The following DOCK5 variants were observed in gnomAD, a reference collection of about 807,000 sequenced individuals.
DOCK5 encodes the protein dedicator of cytokinesis protein 5.
Under a neutral mutation model 251.8 loss-of-function variants are expected in DOCK5, and 142 were observed. The ratio of observed to expected loss-of-function variants is 0.56; its 90% CI spans 0.49 to 0.65. The LOEUF is 0.65. Ranked by LOEUF, DOCK5 falls within the 30% of genes least tolerant of loss-of-function variation. The probability of loss-of-function intolerance (pLI) is 0.00; values close to 1 mark genes in which losing one functional copy is unlikely to be tolerated. For synonymous variants in DOCK5, 842 were observed against 835.5 expected, an observed-to-expected ratio of 1.01 and a Z score of -0.13; for missense variants, 2,111 against 2,312.3, an observed-to-expected ratio of 0.91 and a Z score of 1.79.
chr8:25,198,924 GA>G (rs1346729872), intron 1 of DOCK5, among the ~76,000 whole-genome samples: 1 of 152,164 alleles, frequency 6.6e-6, no homozygotes, highest in East Asian at 1.9e-4. Context: ...TTTCCAGGTG[GA>G]GGTTTTGTTA....
intron 5 of DOCK5, among the ~76,000 whole-genome samples, chr8:25,285,515 A>G (rs963385772): frequency 6.6e-6 from 1 of 152,210 alleles, no homozygotes; most frequent in African/African-American, 2.4e-5. Context: ...AAAATTTGCC[A>G]GCAATAAAGA....
At chr8:25,249,484 C>T (rs1372581730) in intron 2 of DOCK5, among the ~76,000 whole-genome samples, 2 of 152,194 alleles carry the variant, frequency 1.3e-5, no homozygotes, top group Non-Finnish European at 2.9e-5. Context: ...CTGTACCCAT[C>T]GGTAGTCATG....
intron 40 of DOCK5, among the ~76,000 whole-genome samples, chr8:25,387,916 G>A (rs931875): frequency 0.21 from 32,577 of 152,126 alleles, 4,272 homozygotes; most frequent in East Asian, 0.55. Flanking sequence ...GTTATCGTCT[G>A]CATCATACAA....
At chr8:25,263,597 C>G (rs576709578) in intron 2 of DOCK5, among the ~76,000 whole-genome samples, 2 of 151,894 alleles carry the variant, frequency 1.3e-5, no homozygotes, top group East Asian at 3.9e-4. Context: ...AGCATGCTGT[C>G]TCCCATGGGA....
chr8:25,219,695 C>G (rs1802332158), intron 1 of DOCK5, among the ~76,000 whole-genome samples: 1 of 149,164 alleles, frequency 6.7e-6, no homozygotes, highest in South Asian at 2.1e-4. Context: ...CTGTTGTCCT[C>G]TGGGGTCCGT....
In DOCK5 at chr8:25,197,750, A is replaced by ATTTTTTTT. The variant is rs71214555; in HGVS notation, c.43+12810_43+12817dup. Among the ~76,000 whole-genome samples the ATTTTTTTT allele has an allele frequency of 1.9e-3, 186 of 95,712 alleles. 11 individuals carry two copies. The highest frequency in any genetic ancestry group is 2.7e-3 in the Non-Finnish European group (128 of 48,012). The allele number at this position is 95,712 out of a possible 152,430, so 62.8% of individuals were successfully genotyped here. Reference sequence around the variant, plus strand: ...AGGTACATGCAACCATGCCAAGCTAATTTTTTTTTTTTTTTTTTGAGACGG... The same window carrying ATTTTTTTT: ...AGGTACATGCAACCATGCCAAGCTAATTTTTTTTTTTTTTTTTTTTTTTTTTGAGACGG... On this transcript the variant is annotated intron_variant, in intron 1 of 51. Coordinates refer to ENST00000276440, the MANE Select transcript of DOCK5 (RefSeq NM_024940.8).
chr8:25,403,524 G>T (rs1435274363), intron 47 of DOCK5, 34 bp from the exon 48 acceptor site: 2 of 1,608,202 alleles, frequency 1.2e-6, no homozygotes, highest in East Asian at 4.5e-5. Flanking sequence ...CTGGATTCCA[G>T]GTCCGCTAAC....
intron 20 of DOCK5, among the ~76,000 whole-genome samples, chr8:25,333,363 C>A (rs543184990): frequency 7.9e-5 from 12 of 152,160 alleles, no homozygotes; most frequent in South Asian, 6.2e-4. Flanking sequence ...AGAAACTAGT[C>A]AGTTTAGGAA....
intron 35 of DOCK5, among the ~76,000 whole-genome samples, 184 bp from the exon 36 acceptor site, chr8:25,373,434 C>T (rs182506051): frequency 2.0e-5 from 3 of 152,296 alleles, no homozygotes; most frequent in Admixed American, 1.3e-4. Context: ...CATTATATCA[C>T]TCTTGTGCTT....
intron 1 of DOCK5, among the ~76,000 whole-genome samples, chr8:25,212,448 G>A (rs1190237020): frequency 2.8e-5 from 2 of 70,730 alleles, no homozygotes; most frequent in Admixed American, 1.6e-4. Context: ...AGGGCCACGG[G>A]CAAGTTTCAT....
chr8:25,236,724 G>T (rs1802807047), intron 1 of DOCK5, among the ~76,000 whole-genome samples: 1 of 151,478 alleles, frequency 6.6e-6, no homozygotes, highest in South Asian at 2.1e-4. Context: ...GGGATTACAG[G>T]CATGAGCCAC....
At chr8:25,337,404 AAAG>A (rs1805841342) in intron 22 of DOCK5, among the ~76,000 whole-genome samples, 1 of 152,140 alleles carries the variant, frequency 6.6e-6, no homozygotes, top group South Asian at 2.1e-4. Context: ...TAAAAACAAA[AAAG>A]AAGATTTTTA....
chr8:25,227,658 AT>A (rs1217214217), intron 1 of DOCK5, among the ~76,000 whole-genome samples: 1 of 152,162 alleles, frequency 6.6e-6, no homozygotes, highest in Non-Finnish European at 1.5e-5. Flanking sequence ...TTGTTCAGTT[AT>A]TTAAAAAAGT....
intron 27 of DOCK5, among the ~76,000 whole-genome samples, chr8:25,356,611 G>A (rs1408986109): frequency 1.3e-5 from 2 of 152,078 alleles, no homozygotes; most frequent in Non-Finnish European, 2.9e-5. Context: ...CGAGGCTACA[G>A]TCAGCCATGA....
chr8:25,243,588 C>T (rs572228434), intron 1 of DOCK5, 86 bp from the exon 2 acceptor site: 12 of 1,310,646 alleles, frequency 9.2e-6, no homozygotes, highest in African/African-American at 4.4e-5. Context: ...CTCACCCTCT[C>T]AAAGTGCTGA....
chr8:25,303,061 A>G (rs941844948), intron 10 of DOCK5, among the ~76,000 whole-genome samples: 3 of 152,234 alleles, frequency 2.0e-5, no homozygotes, highest in African/African-American at 7.2e-5. Flanking sequence ...AAGATGGTAC[A>G]TTTTATGTTA....
chr8:25,277,634 C>T (rs1419344009), intron 4 of DOCK5, among the ~76,000 whole-genome samples: 3 of 152,158 alleles, frequency 2.0e-5, no homozygotes, highest in South Asian at 2.1e-4. Flanking sequence ...GTCCTCTTTC[C>T]GGTGGGCCGT....
At chr8:25,331,230 GACAC>G (rs60869427) in intron 18 of DOCK5, among the ~76,000 whole-genome samples, 11,735 of 140,184 alleles carry the variant, frequency 0.084, 463 homozygotes, top group Middle Eastern at 0.11. Context: ...GTTTCTCTGT[GACAC>G]ACACACACAC....
chr8:25,344,254 G>A (rs1800317319), intron 25 of DOCK5, among the ~76,000 whole-genome samples: 1 of 152,220 alleles, frequency 6.6e-6, no homozygotes, highest in African/African-American at 2.4e-5. Flanking sequence ...GCCACCAAGT[G>A]TTTCTGTCCC....
Sources: gnomAD v4.1 joint callset for allele counts (sites outside exome capture counted in the v4.1 genomes callset) on GRCh38, gnomAD v4.1.1 for gene constraint, MANE v1.5 for transcripts, NCBI Gene and HGNC (gene_info 2026-07-23, HGNC 2026-07-21) for gene names.